GALNT13: variants seen among roughly 807,000 people sequenced by gnomAD.
GALNT13 encodes the protein UDP-GalNAc:polypeptide N-acetylgalactosaminyltransferase 13.
A neutral mutation model predicts 64.2 loss-of-function variants in GALNT13; 28 were observed. That is an observed-to-expected ratio of 0.44 (90% CI 0.32 to 0.60). GALNT13 has a LOEUF of 0.60. Ranked by LOEUF, GALNT13 falls within the 20% of genes least tolerant of loss-of-function variation. GALNT13 has a pLI of 0.05. For missense variants in GALNT13, 577 were observed against 669.8 expected (o/e 0.86, Z 1.53); for synonymous variants, 214 against 224.6 (o/e 0.95, Z 0.42).
chr2:153,701,138 C>T, the GALNT13 span, among the ~76,000 whole-genome samples: 1 of 152,030 alleles, frequency 6.6e-6, no homozygotes, highest in Non-Finnish European at 1.5e-5. Flanking sequence ...TGCTGGTACC[C>T]AAACAGACAT....
intron 11 of GALNT13, among the ~76,000 whole-genome samples, chr2:154,417,825 T>C (rs1700088493): frequency 6.6e-6 from 1 of 152,086 alleles, no homozygotes; most frequent in Admixed American, 6.6e-5. Flanking sequence ...TTTAGAACTA[T>C]GTAAATTCTA....
the GALNT13 span, among the ~76,000 whole-genome samples, chr2:153,717,107 T>C: frequency 6.6e-6 from 1 of 152,262 alleles, no homozygotes; most frequent in East Asian, 1.9e-4. Flanking sequence ...GGAAGCACTG[T>C]AGCTTCCTTG....
the GALNT13 span, among the ~76,000 whole-genome samples, chr2:153,071,780 A>G: frequency 6.6e-6 from 1 of 152,212 alleles, no homozygotes; most frequent in Admixed American, 6.5e-5. Context: ...TTGTTTTTCT[A>G]TAGCCTATCA....
At chr2:153,438,776 T>A in the GALNT13 span, among the ~76,000 whole-genome samples, 4 of 152,144 alleles carry the variant, frequency 2.6e-5, no homozygotes, top group Admixed American at 6.5e-5. Flanking sequence ...TCAGACTTCC[T>A]CCTTTAGCTC....
At chr2:154,290,441 G>A (rs891428694) in intron 8 of GALNT13, among the ~76,000 whole-genome samples, 2 of 152,226 alleles carry the variant, frequency 1.3e-5, no homozygotes, top group African/African-American at 4.8e-5. Context: ...TGAGATTACA[G>A]GAATTTATCT....
chr2:154,006,609 C>T (rs754154965), intron 3 of GALNT13, among the ~76,000 whole-genome samples: 6 of 152,082 alleles, frequency 3.9e-5, no homozygotes, highest in Non-Finnish European at 7.4e-5. Context: ...ACCAGAAAAA[C>T]TGGTTAATAT....
the GALNT13 span, among the ~76,000 whole-genome samples, chr2:153,462,400 C>T: frequency 6.6e-6 from 1 of 152,052 alleles, no homozygotes; most frequent in Non-Finnish European, 1.5e-5. Context: ...TGGACCTCTT[C>T]TTTTCATACT....
chr2:153,138,849 C>A, the GALNT13 span, among the ~76,000 whole-genome samples: 4 of 152,054 alleles, frequency 2.6e-5, no homozygotes. Flanking sequence ...GATTTTGCCA[C>A]AATAGCCTGA....
At chr2:153,272,603 T>A in the GALNT13 span, among the ~76,000 whole-genome samples, 31 of 152,208 alleles carry the variant, frequency 2.0e-4, no homozygotes, top group East Asian at 6.0e-3. Context: ...CATTAAAAAG[T>A]CAGGAAACAA....
the GALNT13 span, among the ~76,000 whole-genome samples, chr2:153,590,724 T>C: frequency 1.3e-5 from 2 of 152,146 alleles, no homozygotes; most frequent in African/African-American, 4.8e-5. Flanking sequence ...CAAACCCATG[T>C]AATCATCTCA....
At chr2:153,427,333 A>G in the GALNT13 span, among the ~76,000 whole-genome samples, 1 of 152,164 alleles carries the variant, frequency 6.6e-6, no homozygotes, top group African/African-American at 2.4e-5. Flanking sequence ...AAGAGGCCAC[A>G]CAATGGGTTG....
chr2:154,396,721 G>C (rs1559133063), intron 10 of GALNT13, among the ~76,000 whole-genome samples: 1 of 151,892 alleles, frequency 6.6e-6, no homozygotes, highest in Non-Finnish European at 1.5e-5. Flanking sequence ...ATAGCCTCTA[G>C]AAAACTCTTA....
At chr2:153,774,147 C>T in the GALNT13 span, among the ~76,000 whole-genome samples, 3 of 152,050 alleles carry the variant, frequency 2.0e-5, no homozygotes, top group Non-Finnish European at 4.4e-5. Flanking sequence ...GGTATATTTA[C>T]AGCCTTTTAA....
chr2:153,536,438 T>C, the GALNT13 span, among the ~76,000 whole-genome samples: 1 of 152,204 alleles, frequency 6.6e-6, no homozygotes, highest in African/African-American at 2.4e-5. Context: ...TCATTTCTGT[T>C]ACTGATGTAA....
intron 1 of GALNT13, among the ~76,000 whole-genome samples, chr2:153,897,078 T>C (rs979070458): frequency 6.6e-6 from 1 of 152,184 alleles, no homozygotes; most frequent in Non-Finnish European, 1.5e-5. Flanking sequence ...TCCTGAATCA[T>C]TTGAGAATCA....
chr2:153,165,406 C>G, the GALNT13 span, among the ~76,000 whole-genome samples: 5 of 152,188 alleles, frequency 3.3e-5, no homozygotes, highest in African/African-American at 1.2e-4. Context: ...AAACATTCCT[C>G]ATAATTCTTA....
At chr2:154,107,450 C>T (rs893013316) in intron 3 of GALNT13, among the ~76,000 whole-genome samples, 17 of 151,516 alleles carry the variant, frequency 1.1e-4, no homozygotes, top group African/African-American at 4.8e-5. Context: ...ATTAGCTGGG[C>T]GTAGTGGCGC....
chr2:153,088,501 C>A, the GALNT13 span, among the ~76,000 whole-genome samples: 2 of 152,080 alleles, frequency 1.3e-5, no homozygotes, highest in Admixed American at 1.3e-4. Context: ...TAGTTCGAGT[C>A]CATTGTTTCT....
At chr2:153,417,832 C>T in the GALNT13 span, among the ~76,000 whole-genome samples, 1 of 152,060 alleles carries the variant, frequency 6.6e-6, no homozygotes, top group Admixed American at 6.5e-5. Flanking sequence ...CTTTAAACAT[C>T]ATCAGCATAT....
Sources: gnomAD v4.1 joint callset for allele counts (sites outside exome capture counted in the v4.1 genomes callset) on GRCh38, gnomAD v4.1.1 for gene constraint, MANE v1.5 for transcripts, NCBI Gene and HGNC (gene_info 2026-07-23, HGNC 2026-07-21) for gene names.